The following IGSF11 variants were observed in gnomAD, a reference collection of about 807,000 sequenced individuals.
IGSF11 encodes the protein CXADR like 1.
IGSF11 carries 22 observed loss-of-function variants against 41.0 expected under a neutral mutation model. That is an observed-to-expected ratio of 0.54 (90% CI 0.38 to 0.77). The LOEUF is 0.77. IGSF11 is among the 30% of genes least tolerant of loss of function. The probability of loss-of-function intolerance (pLI) is 0.00; values close to 1 mark genes in which losing one functional copy is unlikely to be tolerated. For synonymous variants in IGSF11, 219 were observed against 201.3 expected, an observed-to-expected ratio of 1.09 and a Z score of -0.74; for missense variants, 444 against 530.8, an observed-to-expected ratio of 0.84 and a Z score of 1.61.
chr3:119,060,389 T>C (rs1476124780), intron 1 of IGSF11, among the ~76,000 whole-genome samples: 1 of 152,076 alleles, frequency 6.6e-6, no homozygotes, highest in Non-Finnish European at 1.5e-5. Flanking sequence ...AGAAGAACCA[T>C]AAGATTTTGA....
intron 1 of IGSF11, among the ~76,000 whole-genome samples, chr3:118,996,205 T>C (rs1936256053): frequency 6.6e-6 from 1 of 152,236 alleles, no homozygotes; most frequent in African/African-American, 2.4e-5. Flanking sequence ...CTCTTGCCCC[T>C]TGTCAAACCT....
chr3:119,044,976 T>G (rs1044462474), intron 1 of IGSF11, among the ~76,000 whole-genome samples: 1 of 152,054 alleles, frequency 6.6e-6, no homozygotes, highest in Non-Finnish European at 1.5e-5. Context: ...TCACAGGACC[T>G]ATAAAACAAT....
intron 1 of IGSF11, among the ~76,000 whole-genome samples, chr3:119,068,927 C>CT (rs574659492): frequency 0.02 from 1,613 of 80,974 alleles, 28 homozygotes; most frequent in East Asian, 0.037. Context: ...TTTTTTTTTT[C>CT]TTTTTTTTTT....
intron 1 of IGSF11, among the ~76,000 whole-genome samples, chr3:118,942,176 G>A (rs1401300071): frequency 6.6e-6 from 1 of 152,100 alleles, no homozygotes; most frequent in Non-Finnish European, 1.5e-5. Flanking sequence ...AAGGTATGTT[G>A]GGAAGCTCAC....
chr3:119,085,383 A>G (rs570791058), intron 1 of IGSF11, among the ~76,000 whole-genome samples: 1 of 152,328 alleles, frequency 6.6e-6, no homozygotes, highest in African/African-American at 2.4e-5. Context: ...AAATGAAGCC[A>G]ACCGACTGTG....
intron 1 of IGSF11, among the ~76,000 whole-genome samples, chr3:119,122,084 A>C (rs969656044): frequency 1.8e-4 from 28 of 152,224 alleles, no homozygotes; most frequent in African/African-American, 6.3e-4. Context: ...ACATTCATAA[A>C]AACTAAAAAT....
intron 4 of IGSF11, among the ~76,000 whole-genome samples, chr3:118,911,225 C>A (rs187858334): frequency 2.6e-5 from 4 of 151,762 alleles, no homozygotes; most frequent in African/African-American, 9.7e-5. Flanking sequence ...GTACTGAACA[C>A]TATATGGGGT....
intron 6 of IGSF11, among the ~76,000 whole-genome samples, chr3:118,904,418 T>G (rs1205101560): frequency 6.6e-6 from 1 of 152,206 alleles, no homozygotes; most frequent in Non-Finnish European, 1.5e-5. Flanking sequence ...AACTCTTCAT[T>G]TGTATCCTCC....
chr3:118,932,281 A>G (rs1319255384), intron 1 of IGSF11, among the ~76,000 whole-genome samples: 1 of 152,218 alleles, frequency 6.6e-6, no homozygotes, highest in African/African-American at 2.4e-5. Flanking sequence ...AAATACATTC[A>G]GTCTATGACA....
At chr3:119,129,091 G>GT (rs1386173672) in intron 1 of IGSF11, among the ~76,000 whole-genome samples, 9 of 152,098 alleles carry the variant, frequency 5.9e-5, no homozygotes, top group Non-Finnish European at 1.2e-4. Flanking sequence ...ATTCTCACTC[G>GT]TAAGTGGGAG....
chr3:118,939,118 T>A (rs1288321561), intron 1 of IGSF11, among the ~76,000 whole-genome samples: 1 of 152,202 alleles, frequency 6.6e-6, no homozygotes, highest in South Asian at 2.1e-4. Context: ...CCATAGAATA[T>A]ATATTATTTT....
At chr3:119,071,137 A>G (rs1016382240) in intron 1 of IGSF11, among the ~76,000 whole-genome samples, 2 of 152,330 alleles carry the variant, frequency 1.3e-5, no homozygotes, top group East Asian at 3.9e-4. Context: ...TAGAGCTTCT[A>G]TGAAACAACT....
intron 1 of IGSF11, among the ~76,000 whole-genome samples, chr3:119,055,795 C>A (rs1437957902): frequency 2.0e-5 from 3 of 152,184 alleles, no homozygotes; most frequent in African/African-American, 7.2e-5. Context: ...TGCAATCAAA[C>A]TAGAACTCAG....
At chr3:119,024,045 T>G (rs985884842) in intron 1 of IGSF11, among the ~76,000 whole-genome samples, 1 of 152,208 alleles carries the variant, frequency 6.6e-6, no homozygotes, top group Non-Finnish European at 1.5e-5. Context: ...CAGCTCCCTG[T>G]AGCTCACAAC....
chr3:119,064,342 T>C (rs1039049051), intron 1 of IGSF11, among the ~76,000 whole-genome samples: 2 of 152,142 alleles, frequency 1.3e-5, no homozygotes, highest in African/African-American at 4.8e-5. Context: ...TGTCATAAAT[T>C]AGATGGCTGA....
intron 1 of IGSF11, among the ~76,000 whole-genome samples, chr3:119,011,431 A>G (rs547468226): frequency 1.3e-5 from 2 of 152,204 alleles, no homozygotes; most frequent in Non-Finnish European, 2.9e-5. Context: ...TGCATGGGAC[A>G]GACCAAAATT....
At chr3:119,058,275 A>G (rs2107448278) in intron 1 of IGSF11, among the ~76,000 whole-genome samples, 1 of 152,326 alleles carries the variant, frequency 6.6e-6, no homozygotes, top group African/African-American at 2.4e-5. Flanking sequence ...ACAAATTTAC[A>G]AGAAAAAAAC....
At chr3:119,117,686 T>C (rs1476409570) in intron 1 of IGSF11, among the ~76,000 whole-genome samples, 1 of 152,188 alleles carries the variant, frequency 6.6e-6, no homozygotes, top group African/African-American at 2.4e-5. Context: ...TTAACTCATT[T>C]CAGCATTAAC....
intron 1 of IGSF11, among the ~76,000 whole-genome samples, chr3:118,946,446 TAA>T (rs151177743): frequency 7.0e-6 from 1 of 143,336 alleles, no homozygotes. Flanking sequence ...CTATTTTACT[TAA>T]AAAAAAAAAA....
Sources: allele counts gnomAD v4.1 joint callset (sites outside exome capture counted in the v4.1 genomes callset), GRCh38; gene constraint gnomAD v4.1.1; transcripts MANE v1.5; gene names NCBI Gene and HGNC (gene_info 2026-07-23, HGNC 2026-07-21).